The following NTM variants were observed in gnomAD, a reference collection of about 807,000 sequenced individuals.
NTM encodes neurotrimin, also known as IgLON family member 2.
In NTM, 13 loss-of-function variants were observed where a neutral mutation model predicts 42.1. That is an observed-to-expected ratio of 0.31 (90% CI 0.20 to 0.49). NTM has a LOEUF of 0.49. NTM is among the 20% of genes least tolerant of loss of function. NTM has a pLI of 0.99. For missense variants in NTM, 373 were observed against 452.8 expected, an observed-to-expected ratio of 0.82 and a Z score of 1.60; for synonymous variants, 187 against 179.2, an observed-to-expected ratio of 1.04 and a Z score of -0.35.
At chr11:131,691,699 C>T (rs1396202167) in intron 1 of NTM, among the ~76,000 whole-genome samples, 1 of 152,214 alleles carries the variant, frequency 6.6e-6, no homozygotes, top group Non-Finnish European at 1.5e-5. Context: ...CCGCTCGGCC[C>T]CGCCAGGTGG....
chr11:131,406,687 T>A (rs972284291), intron 1 of NTM, among the ~76,000 whole-genome samples: 1 of 152,216 alleles, frequency 6.6e-6, no homozygotes, highest in Non-Finnish European at 1.5e-5. Flanking sequence ...ATAAAAGTAA[T>A]ATACATGTGA....
chr11:131,840,983 G>A (rs1334506545), intron 1 of NTM, among the ~76,000 whole-genome samples: 1 of 152,166 alleles, frequency 6.6e-6, no homozygotes, highest in African/African-American at 2.4e-5. Flanking sequence ...GGAAAGTATG[G>A]TCTTCCAGCA....
At chr11:132,060,283 C>G (rs1201970387) in intron 2 of NTM, among the ~76,000 whole-genome samples, 1 of 152,204 alleles carries the variant, frequency 6.6e-6, no homozygotes, top group Non-Finnish European at 1.5e-5. Context: ...AGGGAACGGG[C>G]AATGAAATTG....
intron 1 of NTM, among the ~76,000 whole-genome samples, chr11:131,426,779 C>T (rs148988596): frequency 5.7e-4 from 87 of 152,068 alleles, no homozygotes; most frequent in African/African-American, 1.7e-3. Flanking sequence ...TCTTGGGGCA[C>T]GAAAGCGGAG....
At chr11:132,192,678 T>C (rs2079501346) in intron 3 of NTM, among the ~76,000 whole-genome samples, 1 of 152,130 alleles carries the variant, frequency 6.6e-6, no homozygotes. Flanking sequence ...ATAAATGAGA[T>C]AATCCCCCCA....
chr11:131,671,477 G>A, intron 1 of NTM: 1 of 985,438 alleles, frequency 1.0e-6, no homozygotes. Context: ...GAATGTGGTT[G>A]AATCAGTGTT....
At chr11:131,552,620 C>T (rs1252300851) in intron 1 of NTM, among the ~76,000 whole-genome samples, 1 of 151,834 alleles carries the variant, frequency 6.6e-6, no homozygotes, top group Non-Finnish European at 1.5e-5. Context: ...TCGAGACCAT[C>T]CTGGCTAACA....
At position 131,466,509 on chromosome 11, in the gene NTM, T is replaced by C. The variant is rs552102469; in HGVS notation, c.82+95621T>C. Among the ~76,000 whole-genome samples, 4 of 152,326 alleles carry C rather than the reference T, an allele frequency of 2.6e-5. No homozygotes were observed. The South Asian group carries it at 8.3e-4, about 32-fold the overall frequency. On this transcript the variant is annotated intron_variant, in intron 1 of 8. Transcript: ENST00000683400. ...AAAAGTGACAACTAAGGTCAGCTCT[T>C]GGAACTAACCCCTCCCTGGGGTTGT...
At chr11:131,743,868 T>A (rs1591551562) in intron 1 of NTM, among the ~76,000 whole-genome samples, 2 of 152,302 alleles carry the variant, frequency 1.3e-5, no homozygotes, top group Non-Finnish European at 2.9e-5. Context: ...CCAATGCATA[T>A]TTTACCATTT....
intron 1 of NTM, among the ~76,000 whole-genome samples, chr11:131,789,853 G>A (rs1019859983): frequency 1.3e-5 from 2 of 150,320 alleles, no homozygotes; most frequent in Non-Finnish European, 1.5e-5. Flanking sequence ...CTACACGGGA[G>A]GCTGAGGCAG....
At chr11:131,697,870 A>G (rs1178886199) in intron 1 of NTM, among the ~76,000 whole-genome samples, 2 of 152,144 alleles carry the variant, frequency 1.3e-5, no homozygotes, top group Non-Finnish European at 2.9e-5. Context: ...GGACTATGAG[A>G]ACAACTTCAG....
intron 2 of NTM, among the ~76,000 whole-genome samples, chr11:131,972,734 C>A (rs576091182): frequency 5.1e-4 from 78 of 152,212 alleles, no homozygotes; most frequent in Non-Finnish European, 6.3e-4. Flanking sequence ...CAATAACCAC[C>A]CTGGAACAGA....
Position 132,002,286 on chromosome 11 carries a change from C to T in NTM, c.167+90638C>T, listed in dbSNP as rs538495627. Among the ~76,000 whole-genome samples the T allele has an allele frequency of 2.7e-3, 406 of 152,150 alleles. 1 individual carries two copies. The highest frequency in any genetic ancestry group is 0.01 in the Middle Eastern group (3 of 294). Reference sequence around the variant, plus strand: ...TTGTGGCAGCTTTACTGTACAAAAGCGATGAAATTTAATAATTATTTAGTT... The same window carrying T: ...TTGTGGCAGCTTTACTGTACAAAAGTGATGAAATTTAATAATTATTTAGTT... On this transcript the variant is annotated intron_variant, in intron 2 of 8. Coordinates refer to ENST00000683400, the MANE Select transcript of NTM (RefSeq NM_001352005.2). The surrounding 1 kb of genome is among the most constrained non-coding windows in gnomAD (Gnocchi z 4.5).
Position 131,625,464 on chromosome 11 carries a change from G to C in NTM, c.82+254576G>C, listed in dbSNP as rs565242079. On this transcript the variant is annotated intron_variant, in intron 1 of 8. Coordinates refer to ENST00000683400, the MANE Select transcript of NTM (RefSeq NM_001352005.2). Reference sequence around the variant, plus strand: ...AAATTAGTCCACTGGAGACTTCTTAGAGAAAGAAAAGCAGAGAGAGAGACA... The same window carrying C: ...AAATTAGTCCACTGGAGACTTCTTACAGAAAGAAAAGCAGAGAGAGAGACA... 3.3e-5 allele frequency among the ~76,000 whole-genome samples: 5 copies of C among 152,214 alleles called. No homozygotes were observed. The East Asian group carries it at 9.7e-4, about 29-fold the overall frequency.
At position 131,378,950 on chromosome 11, in the gene NTM, C is replaced by A. The variant is rs116496340; in HGVS notation, c.82+8062C>A. Among the ~76,000 whole-genome samples, 526 of 152,340 alleles carry A rather than the reference C, an allele frequency of 3.5e-3. 2 individuals are homozygous for A. The highest frequency in any genetic ancestry group is 0.012 in the African/African-American group (505 of 41,574). ...TTAGGTAGAAGTGATGCTGGCTCCA[C>A]TCACATGGCCAGGACAGCTCCTGTG... On this transcript the variant is annotated intron_variant, in intron 1 of 8. Coordinates refer to ENST00000683400, the MANE Select transcript of NTM (RefSeq NM_001352005.2).
At chr11:131,582,357 T>TC (rs1045412632) in intron 1 of NTM, 3 of 152,156 alleles carry the variant, frequency 2.0e-5, no homozygotes, top group Non-Finnish European at 2.9e-5. Flanking sequence ...AGCTGGGCCC[T>TC]CCCCCTTCCA....
intron 4 of NTM, among the ~76,000 whole-genome samples, chr11:132,260,722 A>G (rs1449199074): frequency 3.9e-5 from 6 of 152,184 alleles, no homozygotes; most frequent in Non-Finnish European, 5.9e-5. Context: ...AGCTACATCA[A>G]AAGAGGGTCA....
intron 2 of NTM, among the ~76,000 whole-genome samples, chr11:132,049,004 A>T (rs2078456138): frequency 6.6e-6 from 1 of 150,982 alleles, no homozygotes. Flanking sequence ...TTTTGTTTTT[A>T]TTTTTCTGTT....
At chr11:131,492,820 T>C (rs1186760087) in intron 1 of NTM, among the ~76,000 whole-genome samples, 1 of 152,190 alleles carries the variant, frequency 6.6e-6, no homozygotes, top group African/African-American at 2.4e-5. Context: ...AGATCTGTAC[T>C]AGATTCTGTG....
Sources: allele counts gnomAD v4.1 joint callset (sites outside exome capture counted in the v4.1 genomes callset), GRCh38; gene constraint gnomAD v4.1.1; non-coding constraint Gnocchi (gnomAD v3.1); transcripts MANE v1.5; gene names NCBI Gene and HGNC (gene_info 2026-07-23, HGNC 2026-07-21).